CDIN1: variants seen among roughly 807,000 people sequenced by gnomAD.
CDIN1 encodes the protein CDAN1-interacting nuclease 1.
In CDIN1, 33 loss-of-function variants were observed where a neutral mutation model predicts 45.3. That is an observed-to-expected ratio of 0.73 (90% CI 0.55 to 0.97). CDIN1 has a LOEUF of 0.97. CDIN1 is among the 50% of genes least tolerant of loss of function. The pLI is 0.00. For synonymous variants in CDIN1, 118 were observed against 124.4 expected (o/e 0.95, Z 0.34); for missense variants, 303 against 339.4 (o/e 0.89, Z 0.84).
At chr15:36,774,163 T>TGTGTGTGTGTGTGTGTGTGTGCGCGC in intron 10 of CDIN1, among the ~76,000 whole-genome samples, 1 of 143,152 alleles carries the variant, frequency 7.0e-6, no homozygotes, top group African/African-American at 2.6e-5. Context: ...TGTGTGTGTG[T>TGTGTGTGTGTGTGTGTGTGTGCGCGC]GCGCGCGCGC....
intron 10 of CDIN1, among the ~76,000 whole-genome samples, chr15:36,784,670 CAT>C (rs1424270503): frequency 6.6e-6 from 1 of 152,172 alleles, no homozygotes; most frequent in African/African-American, 2.4e-5. Flanking sequence ...AGTTGGATCT[CAT>C]ATTAAATAAT....
intron 10 of CDIN1, among the ~76,000 whole-genome samples, chr15:36,784,561 GC>G (rs1411465500): frequency 6.6e-6 from 1 of 152,104 alleles, no homozygotes; most frequent in African/African-American, 2.4e-5. Flanking sequence ...TTTTCCTGTT[GC>G]CCTTATTATA....
chr15:36,689,878 C>G (rs2042180935), intron 5 of CDIN1, among the ~76,000 whole-genome samples: 1 of 152,128 alleles, frequency 6.6e-6, no homozygotes, highest in Non-Finnish European at 1.5e-5. Context: ...CAAAATAGTG[C>G]TTTAGCTGTC....
intron 10 of CDIN1, among the ~76,000 whole-genome samples, chr15:36,734,629 A>G (rs898087258): frequency 2.0e-5 from 3 of 152,172 alleles, no homozygotes; most frequent in African/African-American, 7.2e-5. Context: ...CTCTCATCCA[A>G]GCACACACAC....
intron 5 of CDIN1, among the ~76,000 whole-genome samples, chr15:36,675,557 C>T (rs1182396519): frequency 6.6e-6 from 1 of 152,160 alleles, no homozygotes; most frequent in Non-Finnish European, 1.5e-5. Context: ...CTCACTTTGG[C>T]ACAGCATTGT....
intron 5 of CDIN1, 85 bp from the exon 6 acceptor site, chr15:36,691,600 T>C: frequency 1.2e-6 from 1 of 818,538 alleles, no homozygotes; most frequent in South Asian, 1.7e-5. Context: ...TCATGGTTTG[T>C]GTATATGTAG....
At chr15:36,755,876 G>A (rs566664184) in intron 10 of CDIN1, 21 of 259,538 alleles carry the variant, frequency 8.1e-5, no homozygotes, top group African/African-American at 2.0e-4. Context: ...ACTTAAGGGC[G>A]TTTTATTCAG....
intron 3 of CDIN1, among the ~76,000 whole-genome samples, chr15:36,651,001 T>C (rs2040554185): frequency 6.6e-6 from 1 of 151,708 alleles, no homozygotes. Context: ...AGGCGAAGGT[T>C]GCAGTGAGCC....
At chr15:36,800,909 G>GTATA (rs370036091) in intron 10 of CDIN1, among the ~76,000 whole-genome samples, 474 of 22,306 alleles carry the variant, frequency 0.021, 20 homozygotes, top group Admixed American at 0.031. Context: ...GTGTGTGTGT[G>GTATA]TATATATATA....
chr15:36,710,353 G>T (rs935099911), intron 10 of CDIN1, among the ~76,000 whole-genome samples: 3 of 152,066 alleles, frequency 2.0e-5, no homozygotes, highest in Non-Finnish European at 4.4e-5. Context: ...GAGGAAAGTA[G>T]CCAAATGATA....
chr15:36,603,743 G>C (rs1422894418), intron 1 of CDIN1, among the ~76,000 whole-genome samples: 1 of 152,118 alleles, frequency 6.6e-6, no homozygotes, highest in Non-Finnish European at 1.5e-5. Context: ...ACTTACTGTA[G>C]AGTTGGAGGA....
intron 10 of CDIN1, chr15:36,747,311 T>C (rs1275402579): frequency 1.2e-5 from 3 of 249,344 alleles, no homozygotes; most frequent in Admixed American, 5.5e-5. Flanking sequence ...AAATTTATTT[T>C]TAAAGCATTT....
chr15:36,779,119 A>T (rs77220762), intron 10 of CDIN1, among the ~76,000 whole-genome samples: 2,960 of 152,326 alleles, frequency 0.019, 105 homozygotes, highest in African/African-American at 0.066. Flanking sequence ...TAAATTAGGC[A>T]TGTGTGCTAT....
intron 1 of CDIN1, among the ~76,000 whole-genome samples, chr15:36,593,919 T>C (rs2037699482): frequency 6.6e-6 from 1 of 152,200 alleles, no homozygotes; most frequent in Admixed American, 6.5e-5. Flanking sequence ...ATACTGATTG[T>C]GAAAAGACCT....
At chr15:36,580,027 C>A in intron 1 of CDIN1, 66 bp downstream of exon 1, 1 of 1,426,090 alleles carries the variant, frequency 7.0e-7, no homozygotes, top group Non-Finnish European at 9.7e-7. Flanking sequence ...GCCGCCCAGG[C>A]AGCGCTTAGG....
chr15:36,722,296 T>C (rs2043448005), intron 10 of CDIN1, among the ~76,000 whole-genome samples: 1 of 132,716 alleles, frequency 7.5e-6, no homozygotes, highest in South Asian at 2.7e-4. Flanking sequence ...GGTTACTTTC[T>C]TTTGAGATCT....
At chr15:36,718,350 T>C (rs1595514061) in intron 10 of CDIN1, among the ~76,000 whole-genome samples, 1 of 152,236 alleles carries the variant, frequency 6.6e-6, no homozygotes, top group East Asian at 1.9e-4. Flanking sequence ...AAGATCTTTT[T>C]TACCATATGA....
intron 7 of CDIN1, among the ~76,000 whole-genome samples, chr15:36,697,022 GGCTGAGGTGGGAGGATT>G (rs2042454251): frequency 6.6e-6 from 1 of 151,566 alleles, no homozygotes. Context: ...CTACCCAGGA[GGCTGAGGTGGGAGGATT>G]GCTTGAGCCC....
intron 5 of CDIN1, among the ~76,000 whole-genome samples, chr15:36,682,273 A>G (rs2041877399): frequency 6.6e-6 from 1 of 152,142 alleles, no homozygotes; most frequent in South Asian, 2.1e-4. Flanking sequence ...AGGAAGAGCC[A>G]AGGTTTCAGT....
Sources: allele counts gnomAD v4.1 joint callset (sites outside exome capture counted in the v4.1 genomes callset), GRCh38; gene constraint gnomAD v4.1.1; transcripts MANE v1.5; gene names NCBI Gene and HGNC (gene_info 2026-07-23, HGNC 2026-07-21).